MRPS35: variants seen among roughly 807,000 people sequenced by gnomAD.
MRPS35 encodes small ribosomal subunit protein mS35.
A neutral mutation model predicts 32.7 loss-of-function variants in MRPS35; 29 were observed. The observed-to-expected ratio is 0.89, with a 90% confidence interval of 0.66 to 1.21. The LOEUF (loss-of-function observed/expected upper bound fraction) is 1.21, where lower values mean the gene tolerates loss of function less well. Among genes scored for constraint, MRPS35 ranks in the 50% most tolerant of loss-of-function variants. MRPS35 has a pLI of 0.00. For missense variants in MRPS35, 373 were observed against 383.8 expected, an observed-to-expected ratio of 0.97 and a Z score of 0.23; for synonymous variants, 148 against 139.3, an observed-to-expected ratio of 1.06 and a Z score of -0.44.
At chr12:27,728,405 CATACACA>C (rs1398451876) in intron 5 of MRPS35, among the ~76,000 whole-genome samples, 1 of 152,058 alleles carries the variant, frequency 6.6e-6, no homozygotes, top group Non-Finnish European at 1.5e-5. Flanking sequence ...CATACACATA[CATACACA>C]TCTAAGTACC....
chr12:27,714,075 CAAAA>C (rs34481044), intron 1 of MRPS35, among the ~76,000 whole-genome samples: 21 of 78,578 alleles, frequency 2.7e-4, no homozygotes, highest in Non-Finnish European at 3.0e-4. Context: ...GACCTTGTCT[CAAAA>C]AAAAAAAAAA....
chr12:27,748,187 C>T (rs377165527), intron 7 of MRPS35, among the ~76,000 whole-genome samples: 2 of 152,194 alleles, frequency 1.3e-5, no homozygotes, highest in Non-Finnish European at 2.9e-5. Flanking sequence ...GGATGCTTCT[C>T]CTCTACGGGG....
intron 4 of MRPS35, among the ~76,000 whole-genome samples, chr12:27,723,178 T>C (rs2061884000): frequency 6.6e-6 from 1 of 152,190 alleles, no homozygotes; most frequent in South Asian, 2.1e-4. Flanking sequence ...CATCTCAAGC[T>C]GAAAGTTCTC....
chr12:27,748,467 G>GTGTGTGTT (rs1161423854), intron 7 of MRPS35, among the ~76,000 whole-genome samples: 1 of 151,510 alleles, frequency 6.6e-6, no homozygotes, highest in African/African-American at 2.4e-5. Flanking sequence ...GTGTGTGTGT[G>GTGTGTGTT]TGTGATCCAT....
rs757839827 is a variant in MRPS35 at position 27,724,121 on chromosome 12, A to G, written c.457A>G (p.Ser153Gly). The G allele has an allele frequency of 6.8e-6, 11 of 1,613,410 alleles. No homozygotes were observed. The highest frequency in any genetic ancestry group is 4.0e-5 in the African/African-American group (3 of 74,920). ...CEKHFPIEID[S>G]TDYVSSGPSV... ...GAAGCATTTTCCAATTGAAATTGACAGCACTGATTATGTTTCATCAGGACC... is the reference window on the plus strand; with the variant it reads ...GAAGCATTTTCCAATTGAAATTGACGGCACTGATTATGTTTCATCAGGACC... The change falls in exon 5 of 8, where the codon AGC becomes GGC. Residue 153 changes from serine to glycine, a missense_variant. By Grantham distance (56) the Ser-to-Gly change is moderately conservative. Transcript: ENST00000081029.
intron 1 of MRPS35, 141 bp from the exon 2 acceptor site, chr12:27,714,634 CAAAAA>C (rs531429538): frequency 6.8e-4 from 241 of 356,982 alleles, no homozygotes; most frequent in Middle Eastern, 2.3e-3. Context: ...CTGAGCTTAC[CAAAAA>C]AAAAAAAAAA....
At chr12:27,736,272 GGAA>G (rs2061942793) in intron 6 of MRPS35, among the ~76,000 whole-genome samples, 2 of 152,178 alleles carry the variant, frequency 1.3e-5, no homozygotes, top group Admixed American at 6.5e-5. Context: ...TGCAGTGGTG[GGAA>G]GAAGGAGCCT....
intron 3 of MRPS35, 105 bp downstream of exon 3, chr12:27,716,563 CTTAG>C: frequency 2.9e-6 from 3 of 1,028,270 alleles, no homozygotes; most frequent in South Asian, 3.3e-5. Flanking sequence ...TGTATAGCAG[CTTAG>C]TGTATTTTAA....
chr12:27,722,369 T>TATTG (rs2061879870), intron 4 of MRPS35, among the ~76,000 whole-genome samples: 1 of 152,260 alleles, frequency 6.6e-6, no homozygotes, highest in South Asian at 2.1e-4. Flanking sequence ...AAGTCTCATC[T>TATTG]ATTGCTCTAC....
chr12:27,745,805 A>T (rs1398132105), intron 7 of MRPS35, among the ~76,000 whole-genome samples: 2 of 151,678 alleles, frequency 1.3e-5, no homozygotes, highest in Admixed American at 1.3e-4. Context: ...TATGAGTGAG[A>T]ACATGCAGTG....
Position 27,710,919 on chromosome 12 carries a change from G to A in MRPS35, c.76G>A (p.Val26Ile). The change falls in exon 1 of 8, where the codon GTC becomes ATC. Residue 26 changes from valine (V) to isoleucine (I), a missense_variant. Val to Ile is a conservative substitution (Grantham distance 29). Transcript: ENST00000081029. The stretch of plus-strand genomic sequence containing the variant: ...GACTCTGCGTGCATTCTCCACTGCC[G>A]TCTACTCGGCCACTCCGGTCCCGAC... ...ARTLRAFSTA[V>I]YSATPVPTPS... 2 of 1,613,206 alleles carry A rather than the reference G, an allele frequency of 1.2e-6. No individual in the cohort carries two copies. Among genetic ancestry groups the A allele is most frequent in the Non-Finnish European group, 1.7e-6 (2 of 1,179,886 alleles).
At chr12:27,719,672 CAA>C (rs34620750) in intron 3 of MRPS35, 134 bp from the exon 4 acceptor site, 2,200 of 405,396 alleles carry the variant, frequency 5.4e-3, no homozygotes, top group Middle Eastern at 6.8e-3. Flanking sequence ...GACTCTGTCT[CAA>C]AAAAAAAAAA....
chr12:27,716,437 G>C lies in MRPS35; in HGVS notation c.300G>C (p.Glu100Asp). The C allele has an allele frequency of 1.9e-6, 3 of 1,614,064 alleles. No homozygotes were observed. Among genetic ancestry groups the C allele is most frequent in the Non-Finnish European group, 1.7e-6 (2 of 1,180,024 alleles). The part of the protein sequence containing the change: ...PVKKGVPMAK[E>D]GNLELLKIPN... Reference sequence around the variant, plus strand: ...AAAAGGGCGTGCCCATGGCAAAGGAGGGAAATCTAGAACTTTTAAAGGTAA... The same window carrying C: ...AAAAGGGCGTGCCCATGGCAAAGGACGGAAATCTAGAACTTTTAAAGGTAA... The change falls in exon 3 of 8, where the codon GAG becomes GAC. Residue 100 changes from glutamate to aspartate, a missense_variant. Physicochemically the swap from Glu to Asp is conservative, Grantham distance 45 (BLOSUM62 2). Transcript: ENST00000081029.
In MRPS35 at chr12:27,733,030, A is replaced by ATCTATCTATCTATC. The variant is rs1466448196; in HGVS notation, c.523-2416_523-2415insCTATCTATCTATCT. ...TATATATATATATATATATATATATATATATATATATCCAGCACCTCCTGT... is the reference window on the plus strand; with the variant it reads ...TATATATATATATATATATATATATATCTATCTATCTATCTATATATATATCCAGCACCTCCTGT... On this transcript the variant is annotated intron_variant, in intron 5 of 7. Coordinates refer to ENST00000081029, the MANE Select transcript of MRPS35 (RefSeq NM_021821.4). 2.8e-4 allele frequency among the ~76,000 whole-genome samples: 35 copies of ATCTATCTATCTATC among 123,208 alleles called. 1 individual carries two copies. The East Asian group carries it at 8.8e-3, about 31-fold the overall frequency. The allele number at this position is 123,208 out of a possible 152,430, so 80.8% of individuals were successfully genotyped here. A position where few individuals can be genotyped will look rare whatever the true frequency, so the allele number is the denominator to read the frequency against.
chr12:27,755,425 T>C lies in MRPS35; in HGVS notation c.947T>C (p.Val316Ala), dbSNP rs1314088934. Residue 316 changes from valine (V) to alanine (A), a missense_variant, in exon 8 of 8, where the codon GTG becomes GCG. Transcript: ENST00000081029. The part of the protein sequence containing the change: ...ENSISQYKES[V>A]KRLLNVT ...TCCATTTCTCAGTACAAAGAATCCG[T>C]GAAGAGACTATTAAATGTGACATGA... 6.3e-7 allele frequency: 1 copy of C among 1,576,594 alleles called. No homozygotes were observed. The highest frequency in any genetic ancestry group is 8.5e-7 in the Non-Finnish European group (1 of 1,170,044).
chr12:27,726,685 C>T (rs1229526250), intron 5 of MRPS35, among the ~76,000 whole-genome samples: 1 of 152,094 alleles, frequency 6.6e-6, no homozygotes, highest in Non-Finnish European at 1.5e-5. Flanking sequence ...TTAGTTTTAG[C>T]CATTCTGATA....
At chr12:27,754,329 CTTAAT>C (rs894827392) in intron 7 of MRPS35, among the ~76,000 whole-genome samples, 9 of 152,126 alleles carry the variant, frequency 5.9e-5, no homozygotes, top group Middle Eastern at 3.4e-3. Context: ...GCATCATATT[CTTAAT>C]TTTATTTTAA....
intron 5 of MRPS35, among the ~76,000 whole-genome samples, chr12:27,731,511 GTTTTC>G (rs1240792180): frequency 2.0e-5 from 3 of 152,042 alleles, no homozygotes; most frequent in African/African-American, 7.2e-5. Flanking sequence ...TTGATTTGTA[GTTTTC>G]TTTCTTTGCT....
chr12:27,712,455 A>G (rs920523079), intron 1 of MRPS35, among the ~76,000 whole-genome samples: 1 of 152,214 alleles, frequency 6.6e-6, no homozygotes, highest in Non-Finnish European at 1.5e-5. Context: ...TTACTGGGGT[A>G]AGAGTGGAAG....
Sources: gnomAD v4.1 joint callset for allele counts (sites outside exome capture counted in the v4.1 genomes callset) on GRCh38, gnomAD v4.1.1 for gene constraint, MANE v1.5 for transcripts, NCBI Gene and HGNC (gene_info 2026-07-23, HGNC 2026-07-21) for gene names.